NLRP2: variants seen among roughly 807,000 people sequenced by gnomAD.
NLRP2 encodes NLR family pyrin domain containing 2, also known as NACHT, LRR and PYD domains-containing protein 2.
A neutral mutation model predicts 97.2 loss-of-function variants in NLRP2; 107 were observed. The observed-to-expected ratio is 1.10, with a 90% confidence interval of 0.94 to 1.29. The LOEUF is 1.29. Among genes scored for constraint, NLRP2 ranks in the 50% most tolerant of loss-of-function variants. NLRP2 has a pLI of 0.00. For synonymous variants in NLRP2, 663 were observed against 551.5 expected (o/e 1.20, Z -2.83); for missense variants, 1,495 against 1,330.3 (o/e 1.12, Z -1.93).
At chr19:54,986,575 A>G (rs1036232) in intron 8 of NLRP2, among the ~76,000 whole-genome samples, 29,874 of 149,236 alleles carry the variant, frequency 0.2, 3,450 homozygotes, top group Non-Finnish European at 0.26. Flanking sequence ...TTTTTTTATG[A>G]AGTCTTGCTC....
In NLRP2 at chr19:54,997,310, T is replaced by A. The variant is rs1366414069; in HGVS notation, c.2880-7T>A. 2 of 1,613,246 alleles carry A rather than the reference T, an allele frequency of 1.2e-6. No homozygotes were observed. The highest frequency in any genetic ancestry group is 1.7e-6 in the Non-Finnish European group (2 of 1,179,962). On this transcript the variant is annotated splice_polypyrimidine_tract_variant and splice_region_variant and intron_variant, in intron 11 of 12. Coordinates refer to ENST00000448584, the MANE Select transcript of NLRP2 (RefSeq NM_017852.5). The stretch of plus-strand genomic sequence containing the variant: ...GCATTAACGTGTTGATTTCTGTGTT[T>A]CCCCAGGTTGTGGGGATGTTCCATC...
chr19:55,000,860 T>C lies in NLRP2; in HGVS notation c.3151T>C (p.Trp1051Arg). ...TATTGATACTGAGAAACATCATCCC[T>C]GGGCAGAAAGGCCTTCTTCTCATGA... ...LIIDTEKHHP[W>R]AERPSSHDFM... The change falls in exon 13 of 13, where the codon TGG (tryptophan) becomes CGG (arginine). Residue 1051 changes from tryptophan (W) to arginine (R), a missense_variant. By Grantham distance (101) the Trp-to-Arg change is moderately radical (BLOSUM62 -3). Transcript: ENST00000448584. The C allele has an allele frequency of 6.2e-7, 1 of 1,613,698 alleles. No homozygotes were observed. Among genetic ancestry groups the C allele is most frequent in the African/African-American group, 1.3e-5 (1 of 75,048 alleles).
chr19:54,973,945 T>A, intron 2 of NLRP2: 2 of 845,734 alleles, frequency 2.4e-6, no homozygotes, highest in Non-Finnish European at 4.0e-6. Context: ...GGAAGCAGAG[T>A]GGCTATGGTG....
chr19:55,000,276 T>C (rs966570080), intron 12 of NLRP2, among the ~76,000 whole-genome samples: 1 of 32,926 alleles, frequency 3.0e-5, no homozygotes, highest in South Asian at 1.2e-3. Context: ...CTGTCTTTTT[T>C]TTTTTTTTTT....
chr19:54,974,491 C>T lies in NLRP2; in HGVS notation c.281-9C>T. On this transcript the variant is annotated splice_polypyrimidine_tract_variant and intron_variant, in intron 2 of 12. Coordinates refer to ENST00000448584, the MANE Select transcript of NLRP2 (RefSeq NM_017852.5). Reference sequence around the variant, plus strand: ...AAATGCAAAATTTTCCCCCCTTCTCCTTTTTCAGAAGCAGCTTTGAAATCC... The same window carrying T: ...AAATGCAAAATTTTCCCCCCTTCTCTTTTTTCAGAAGCAGCTTTGAAATCC... 3 of 1,610,618 alleles carry T rather than the reference C, an allele frequency of 1.9e-6. No individual in the cohort carries two copies. The highest frequency in any genetic ancestry group is 2.5e-6 in the Non-Finnish European group (3 of 1,176,890).
At chr19:54,980,022 G>A (rs1036590313) in intron 4 of NLRP2, among the ~76,000 whole-genome samples, 10 of 150,758 alleles carry the variant, frequency 6.6e-5, no homozygotes, top group African/African-American at 1.7e-4. Flanking sequence ...TGATCCGTCC[G>A]CCTCAGCCTC....
At chr19:54,970,376 C>A in intron 2 of NLRP2, 81 bp downstream of exon 2, 1 of 1,530,810 alleles carries the variant, frequency 6.5e-7, no homozygotes, top group Admixed American at 1.7e-5. Context: ...GAAGGCCAGG[C>A]GCGCTGGCTC....
intron 3 of NLRP2, among the ~76,000 whole-genome samples, chr19:54,976,670 C>T: frequency 6.6e-6 from 1 of 151,842 alleles, no homozygotes. Flanking sequence ...AGGCTCTTCT[C>T]AGATCAGCCT....
chr19:54,985,341 A>G (rs2071985692), intron 7 of NLRP2, 124 bp downstream of exon 7: 3 of 902,554 alleles, frequency 3.3e-6, no homozygotes, highest in Non-Finnish European at 5.4e-6. Flanking sequence ...GGGAATTGAG[A>G]GAGTCCTGTC....
intron 3 of NLRP2, among the ~76,000 whole-genome samples, chr19:54,975,582 G>A (rs2071176930): frequency 6.7e-6 from 1 of 149,542 alleles, no homozygotes; most frequent in South Asian, 2.2e-4. Flanking sequence ...CTCCCGAGTA[G>A]CTGGGACTAC....
chr19:54,985,892 G>A (rs1437627767), intron 7 of NLRP2, among the ~76,000 whole-genome samples: 2 of 151,832 alleles, frequency 1.3e-5, no homozygotes, highest in Admixed American at 6.6e-5. Flanking sequence ...CAGCTACTCC[G>A]GATGCTGAGG....
At chr19:54,966,712 A>AT (rs892403599) in intron 1 of NLRP2, among the ~76,000 whole-genome samples, 1 of 146,592 alleles carries the variant, frequency 6.8e-6, no homozygotes, top group Non-Finnish European at 1.5e-5. Flanking sequence ...TGCCCAGCTA[A>AT]TTTTTTTGTA....
chr19:54,978,988 G>GT (rs887625555), intron 4 of NLRP2, among the ~76,000 whole-genome samples: 45 of 151,192 alleles, frequency 3.0e-4, no homozygotes, highest in South Asian at 4.2e-4. Context: ...GGTTTTTTCT[G>GT]TTTTTTTTGT....
intron 8 of NLRP2, among the ~76,000 whole-genome samples, chr19:54,986,826 G>A (rs1001634423): frequency 6.6e-6 from 1 of 151,736 alleles, no homozygotes; most frequent in Non-Finnish European, 1.5e-5. Context: ...GGGATTATAG[G>A]CATGAGCCAC....
At chr19:54,994,905 G>A (rs932526797) in intron 11 of NLRP2, among the ~76,000 whole-genome samples, 10 of 151,090 alleles carry the variant, frequency 6.6e-5, no homozygotes, top group African/African-American at 2.2e-4. Flanking sequence ...CACTGCGCCA[G>A]GCCCTATGTC....
At chr19:54,997,588 G>A in intron 12 of NLRP2, 101 bp downstream of exon 12, 2 of 1,241,540 alleles carry the variant, frequency 1.6e-6, no homozygotes, top group South Asian at 2.4e-5. Flanking sequence ...CTGGTAGCTG[G>A]ATTACAGGTT....
Position 54,974,331 on chromosome 19 carries a change from A to G in NLRP2, c.281-169A>G. 5.9e-6 allele frequency: 4 copies of G among 679,068 alleles called. No homozygotes were observed. The Admixed American group carries it at 7.2e-5, about 12-fold the overall frequency. 42.1% of individuals were successfully genotyped at this position (679,068 alleles called of 1,614,324 possible). ...ATTGTGCCACTCCAGCCTGGGCAACAGAGTGACACTCTGTCTCAAAAAAAA... is the reference window on the plus strand; with the variant it reads ...ATTGTGCCACTCCAGCCTGGGCAACGGAGTGACACTCTGTCTCAAAAAAAA... On this transcript the variant is annotated intron_variant, in intron 2 of 12. Transcript: ENST00000448584.
At position 55,000,099 on chromosome 19, in the gene NLRP2, TAAAACCCCAACTCTACTAAAAATACA is replaced by T. The variant is rs1211521160; in HGVS notation, c.3051-656_3051-631del. ...GCCAGGTACAGTTTAGGCAACATGG[TAAAACCCCAACTCTACTAAAAATACA>T]AAAATTAGCTGAGCATGGTGGCAGG... On this transcript the variant is annotated intron_variant, in intron 12 of 12. Transcript: ENST00000448584. Among the ~76,000 whole-genome samples the T allele has an allele frequency of 1.5e-3, 222 of 151,584 alleles. 1 individual carries two copies. The highest frequency in any genetic ancestry group is 5.1e-3 in the African/African-American group (210 of 41,342).
At chr19:54,981,583 T>C in intron 4 of NLRP2, 34 bp from the exon 5 acceptor site, 1 of 1,131,188 alleles carries the variant, frequency 8.8e-7, no homozygotes, top group Non-Finnish European at 1.3e-6. Context: ...ACACCTGATT[T>C]TGTGTCAATC....
Sources: gnomAD v4.1 joint callset for allele counts (sites outside exome capture counted in the v4.1 genomes callset) on GRCh38, gnomAD v4.1.1 for gene constraint, MANE v1.5 for transcripts, NCBI Gene and HGNC (gene_info 2026-07-23, HGNC 2026-07-21) for gene names.